TSC22D1: variants seen among roughly 807,000 people sequenced by gnomAD.
TSC22D1 encodes TSC22 domain family protein 1.
TSC22D1 carries 9 observed loss-of-function variants against 74.2 expected under a neutral mutation model. The observed-to-expected ratio is 0.12, with a 90% confidence interval of 0.07 to 0.21. The LOEUF is 0.21. Among genes scored for constraint, TSC22D1 ranks in the 10% least tolerant of loss-of-function variants. The pLI is 1.00. For missense variants in TSC22D1, 1,427 were observed against 1,304.7 expected (o/e 1.09, Z -1.44); for synonymous variants, 586 against 492.5 (o/e 1.19, Z -2.51).
In TSC22D1 at chr13:44,574,954, G is replaced by A. The variant is rs1235348077; in HGVS notation, c.1121C>T (p.Ser374Phe). The A allele has an allele frequency of 5.6e-6, 9 of 1,613,934 alleles. No homozygotes were observed. Among genetic ancestry groups the A allele is most frequent in the Admixed American group, 1.7e-5 (1 of 60,010 alleles). Residue 374 changes from serine to phenylalanine, a missense_variant, in exon 1 of 3, where the codon TCC becomes TTC. Around this residue, in one of 3 missense-constraint regions of TSC22D1, gnomAD observed 1,343 missense variants for 1,191.5 expected, o/e 1.13. Coordinates refer to ENST00000458659, the MANE Select transcript of TSC22D1 (RefSeq NM_183422.4). The stretch of plus-strand genomic sequence containing the variant: ...AGGAACACTGCTAACAGCAGCAGAG[G>A]AAGAAATAGTACCATTGCCCATGCC... The part of the protein sequence containing the change: ...LSGMGNGTIS[S>F]SAAVSSVPNA...
Position 44,573,782 on chromosome 13 carries a change from C to A in TSC22D1, c.2293G>T (p.Val765Phe). 6.2e-7 allele frequency: 1 copy of A among 1,614,238 alleles called. No homozygotes were observed. The highest frequency in any genetic ancestry group is 8.5e-7 in the Non-Finnish European group (1 of 1,180,046). ...QQGAPPSSQV[V>F]PPAQTGIIHQ... ...ATAATCCCAGTTTGAGCAGGTGGAA[C>A]CACTTGCGAAGATGGAGGAGCACCC... is the stretch of plus-strand genomic sequence containing the variant. Residue 765 changes from valine to phenylalanine, a missense_variant, in exon 1 of 3, where the codon GTT (valine) becomes TTT (phenylalanine). Physicochemically the swap from Val to Phe is conservative, Grantham distance 50. Transcript: ENST00000458659.
At chr13:44,497,529 A>G (rs1879030817) in intron 1 of TSC22D1, among the ~76,000 whole-genome samples, 1 of 152,220 alleles carries the variant, frequency 6.6e-6, no homozygotes, top group South Asian at 2.1e-4. Context: ...TATGTTGTTT[A>G]TAAATTAAAT....
At chr13:44,527,409 T>C (rs1401664155) in intron 1 of TSC22D1, among the ~76,000 whole-genome samples, 2 of 152,252 alleles carry the variant, frequency 1.3e-5, no homozygotes, top group African/African-American at 4.8e-5. Context: ...TAATTGGTAA[T>C]GCTATGTTAT....
At chr13:44,450,986 T>C (rs146295668) in intron 1 of TSC22D1, among the ~76,000 whole-genome samples, 1 of 152,212 alleles carries the variant, frequency 6.6e-6, no homozygotes, top group Non-Finnish European at 1.5e-5. Flanking sequence ...GTGGCTAGGC[T>C]TGAGGCACTT....
intron 1 of TSC22D1, chr13:44,539,779 C>A: frequency 3.1e-6 from 4 of 1,282,884 alleles, no homozygotes; most frequent in Non-Finnish European, 4.1e-6. Context: ...GTTTATTATC[C>A]TTTCCCACTC....
At chr13:44,517,562 G>A (rs376269999) in intron 1 of TSC22D1, among the ~76,000 whole-genome samples, 4 of 151,264 alleles carry the variant, frequency 2.6e-5, no homozygotes, top group East Asian at 2.0e-4. Context: ...AGTATTTTCC[G>A]GGCCAGGTGC....
At chr13:44,512,711 G>A (rs991717268) in intron 1 of TSC22D1, among the ~76,000 whole-genome samples, 3 of 151,890 alleles carry the variant, frequency 2.0e-5, no homozygotes, top group South Asian at 2.1e-4. Context: ...GTGCAGCGAC[G>A]CGATCTCAAC....
intron 1 of TSC22D1, among the ~76,000 whole-genome samples, chr13:44,463,745 C>T (rs1877121883): frequency 6.6e-6 from 1 of 152,188 alleles, no homozygotes; most frequent in Non-Finnish European, 1.5e-5. Flanking sequence ...ATAATCCAAT[C>T]ATGGTAATTG....
intron 1 of TSC22D1, among the ~76,000 whole-genome samples, chr13:44,445,192 G>A (rs1265628332): frequency 2.1e-5 from 3 of 146,172 alleles, no homozygotes; most frequent in African/African-American, 7.6e-5. Flanking sequence ...ATAGAGTAAT[G>A]GAACAAAACA....
At chr13:44,501,911 C>G (rs1305542949) in intron 1 of TSC22D1, among the ~76,000 whole-genome samples, 1 of 152,156 alleles carries the variant, frequency 6.6e-6, no homozygotes, top group Non-Finnish European at 1.5e-5. Context: ...ACTTAACCTA[C>G]CTAAAATTGT....
chr13:44,560,393 A>G (rs1595168744), intron 1 of TSC22D1, among the ~76,000 whole-genome samples: 1 of 152,350 alleles, frequency 6.6e-6, no homozygotes, highest in East Asian at 1.9e-4. Context: ...TTAGTACCTA[A>G]TATGTCATTC....
chr13:44,555,511 C>A (rs537582924), intron 1 of TSC22D1, among the ~76,000 whole-genome samples: 1 of 152,160 alleles, frequency 6.6e-6, no homozygotes, highest in African/African-American at 2.4e-5. Flanking sequence ...GAGGCTGAGG[C>A]GGGAGAACCA....
At chr13:44,486,361 G>A (rs2137945051) in intron 1 of TSC22D1, among the ~76,000 whole-genome samples, 1 of 152,180 alleles carries the variant, frequency 6.6e-6, no homozygotes, top group South Asian at 2.1e-4. Flanking sequence ...TGTTAAATAA[G>A]ACAAAATAAA....
At position 44,546,869 on chromosome 13, in the gene TSC22D1, C is replaced by T. The variant is rs566974582; in HGVS notation, c.2912+26294G>A. ...CTCACTGCAATGTCCACTTCCCTGACGAGCGAACCTCCCACCTCAGCCTCA... is the reference window on the plus strand; with the variant it reads ...CTCACTGCAATGTCCACTTCCCTGATGAGCGAACCTCCCACCTCAGCCTCA... On this transcript the variant is annotated intron_variant, in intron 1 of 2. Coordinates refer to ENST00000458659, the MANE Select transcript of TSC22D1 (RefSeq NM_183422.4). 7.2e-5 allele frequency among the ~76,000 whole-genome samples: 11 copies of T among 151,950 alleles called. 1 individual carries two copies. The South Asian group carries it at 1.2e-3, about 17-fold the overall frequency.
intron 1 of TSC22D1, among the ~76,000 whole-genome samples, chr13:44,459,445 T>C (rs778500250): frequency 7.6e-4 from 116 of 152,198 alleles, no homozygotes; most frequent in Admixed American, 1.8e-3. Flanking sequence ...TCCTGAGAGC[T>C]GTTCTGTCAC....
chr13:44,556,056 CTTATA>C (rs976543851), intron 1 of TSC22D1, among the ~76,000 whole-genome samples: 26 of 151,950 alleles, frequency 1.7e-4, no homozygotes, highest in Non-Finnish European at 3.5e-4. Flanking sequence ...ACAAGTAAGG[CTTATA>C]TTACATTACT....
chr13:44,500,492 C>T (rs1310075690), intron 1 of TSC22D1, among the ~76,000 whole-genome samples: 1 of 152,126 alleles, frequency 6.6e-6, no homozygotes, highest in African/African-American at 2.4e-5. Context: ...TCTCTTTGAG[C>T]CATCACAATT....
At chr13:44,484,571 T>C (rs1252145683) in intron 1 of TSC22D1, among the ~76,000 whole-genome samples, 1 of 152,190 alleles carries the variant, frequency 6.6e-6, no homozygotes, top group Non-Finnish European at 1.5e-5. Flanking sequence ...GGAGATGCGG[T>C]TGGAGAAGGC....
At chr13:44,524,441 G>T (rs1306860644) in intron 1 of TSC22D1, among the ~76,000 whole-genome samples, 3 of 152,192 alleles carry the variant, frequency 2.0e-5, no homozygotes, top group African/African-American at 7.2e-5. Flanking sequence ...ACAACTGGAA[G>T]AAAAACTTAA....
Sources: gnomAD v4.1 joint callset for allele counts (sites outside exome capture counted in the v4.1 genomes callset) on GRCh38, gnomAD v4.1.1 for gene constraint, gnomAD v4.1.1 regional missense constraint, MANE v1.5 for transcripts, NCBI Gene and HGNC (gene_info 2026-07-23, HGNC 2026-07-21) for gene names.